Variants in ANXA4 observed in about 807,000 individuals in gnomAD.
ANXA4 encodes the protein 35-beta calcimedin.
A neutral mutation model predicts 49.8 loss-of-function variants in ANXA4; 39 were observed. That is an observed-to-expected ratio of 0.78 (90% confidence interval 0.61 to 1.02). The LOEUF (loss-of-function observed/expected upper bound fraction) is 1.02, where lower values mean the gene tolerates loss of function less well. Ranked by LOEUF, ANXA4 falls within the 50% of genes least tolerant of loss-of-function variation. The pLI is 0.00. For synonymous variants in ANXA4, 134 were observed against 152.5 expected (o/e 0.88, Z 0.89); for missense variants, 360 against 410.1 (o/e 0.88, Z 1.05).
chr2:69,710,528 T>C (rs567709628), intron 2 of ANXA4, among the ~76,000 whole-genome samples: 1 of 152,288 alleles, frequency 6.6e-6, no homozygotes, highest in South Asian at 2.1e-4. Flanking sequence ...TGTCTGTATT[T>C]CAGATTATTT....
intron 2 of ANXA4, among the ~76,000 whole-genome samples, chr2:69,694,265 C>T (rs763959368): frequency 1.9e-4 from 29 of 152,056 alleles, no homozygotes; most frequent in Admixed American, 5.9e-4. Flanking sequence ...AATGTGAGAA[C>T]GCAGCAGGAA....
chr2:69,663,576 C>T (rs1434884174), intron 2 of ANXA4, among the ~76,000 whole-genome samples: 1 of 151,878 alleles, frequency 6.6e-6, no homozygotes, highest in African/African-American at 2.4e-5. Flanking sequence ...AGGAGGATTG[C>T]TTGAGCCCAG....
intron 2 of ANXA4, among the ~76,000 whole-genome samples, chr2:69,678,589 G>GTGTTT (rs1677490425): frequency 6.6e-6 from 1 of 151,498 alleles, no homozygotes; most frequent in South Asian, 2.1e-4. Context: ...TAGAGACTGG[G>GTGTTT]TTTTGCCATG....
intron 2 of ANXA4, among the ~76,000 whole-genome samples, chr2:69,696,529 TGAATC>T: frequency 6.6e-6 from 1 of 152,240 alleles, no homozygotes; most frequent in Non-Finnish European, 1.5e-5. Flanking sequence ...CCTTCTCTCA[TGAATC>T]ATGAGTATTT....
intron 2 of ANXA4, among the ~76,000 whole-genome samples, chr2:69,656,335 G>A (rs1394892247): frequency 6.5e-5 from 6 of 92,066 alleles, no homozygotes; most frequent in African/African-American, 2.7e-4. Context: ...ATATATATGT[G>A]TATATATATG....
chr2:69,660,383 A>G (rs1241670478), intron 2 of ANXA4, among the ~76,000 whole-genome samples: 3 of 152,188 alleles, frequency 2.0e-5, no homozygotes, highest in South Asian at 4.1e-4. Flanking sequence ...CTCATAGACT[A>G]AAACAAATCA....
intron 1 of ANXA4, among the ~76,000 whole-genome samples, chr2:69,775,358 G>A (rs992968770): frequency 1.3e-5 from 2 of 152,128 alleles, no homozygotes; most frequent in African/African-American, 2.4e-5. Context: ...TTTCTTATTA[G>A]TTTGCATTTC....
intron 2 of ANXA4, among the ~76,000 whole-genome samples, chr2:69,706,686 C>T (rs947327225): frequency 2.0e-5 from 3 of 152,112 alleles, no homozygotes; most frequent in Non-Finnish European, 4.4e-5. Flanking sequence ...TGGTATAGAA[C>T]AATTGTGTCT....
chr2:69,658,962 C>G (rs1676611124), intron 2 of ANXA4, among the ~76,000 whole-genome samples: 1 of 152,188 alleles, frequency 6.6e-6, no homozygotes, highest in African/African-American at 2.4e-5. Context: ...TCCCAAAGTG[C>G]TGGGATTACA....
chr2:69,728,971 A>G (rs1416383648), intron 3 of ANXA4, among the ~76,000 whole-genome samples: 1 of 152,206 alleles, frequency 6.6e-6, no homozygotes, highest in African/African-American at 2.4e-5. Flanking sequence ...TACCATATTA[A>G]ATCATAAGTA....
chr2:69,788,134 A>G lies in ANXA4; in HGVS notation c.90A>G (p.Lys30=). The G allele has an allele frequency of 7.4e-6, 12 of 1,613,820 alleles. No individual in the cohort carries two copies. Among genetic ancestry groups the G allele is most frequent in the Non-Finnish European group, 9.3e-6 (11 of 1,179,738 alleles). Residue 30 remains lysine, a synonymous_variant, in exon 3 of 13, where the codon AAA becomes AAG. Transcript: ENST00000394295. ...EDAQTLRKAM[K]GLGTDEDAII... is the part of the protein sequence containing the mutation. ...CCCAGACCCTGAGGAAGGCCATGAA[A>G]GGGCTCGGTATGTGTCCTGCTGGAA... is the stretch of plus-strand genomic sequence containing the variant.
intron 1 of ANXA4, among the ~76,000 whole-genome samples, chr2:69,745,661 G>T (rs1670581310): frequency 6.6e-6 from 1 of 151,798 alleles, no homozygotes; most frequent in Non-Finnish European, 1.5e-5. Context: ...CTCCTGAGTA[G>T]CTGGGTCTAC....
chr2:69,708,720 C>T (rs1030556351), intron 2 of ANXA4, among the ~76,000 whole-genome samples: 1 of 152,096 alleles, frequency 6.6e-6, no homozygotes, highest in Non-Finnish European at 1.5e-5. Context: ...CTCCAACAAT[C>T]GAGGGTGCCT....
chr2:69,745,237 G>C (rs548178935), intron 1 of ANXA4, among the ~76,000 whole-genome samples: 1 of 152,322 alleles, frequency 6.6e-6, no homozygotes, highest in South Asian at 2.1e-4. Flanking sequence ...GCTGGGTGGT[G>C]GGCTCTGGTT....
intron 2 of ANXA4, among the ~76,000 whole-genome samples, chr2:69,663,869 A>C (rs1676835565): frequency 6.6e-6 from 1 of 152,262 alleles, no homozygotes; most frequent in African/African-American, 2.4e-5. Flanking sequence ...AGCCCTGGAC[A>C]TCTGGGAAAC....
intron 1 of ANXA4, among the ~76,000 whole-genome samples, chr2:69,780,293 C>G (rs2103657046): frequency 6.6e-6 from 1 of 152,290 alleles, no homozygotes; most frequent in Admixed American, 6.5e-5. Context: ...CTCCCAGGCT[C>G]AAGTGATTCT....
chr2:69,705,555 A>G (rs1260044502), intron 2 of ANXA4, among the ~76,000 whole-genome samples: 1 of 152,220 alleles, frequency 6.6e-6, no homozygotes, highest in African/African-American at 2.4e-5. Flanking sequence ...TTGGAATTGG[A>G]GTCTCCTTAT....
At chr2:69,725,857 A>C (rs1202449529) in intron 3 of ANXA4, among the ~76,000 whole-genome samples, 3 of 152,186 alleles carry the variant, frequency 2.0e-5, no homozygotes, top group African/African-American at 7.2e-5. Context: ...ACATTTTATT[A>C]GTTTTTCTTT....
intron 1 of ANXA4, among the ~76,000 whole-genome samples, chr2:69,780,488 G>A (rs533117139): frequency 8.5e-5 from 13 of 152,332 alleles, no homozygotes; most frequent in African/African-American, 2.4e-4. Context: ...GAGCCACCAC[G>A]CCCAGCCAGG....
Sources: allele counts gnomAD v4.1 joint callset (sites outside exome capture counted in the v4.1 genomes callset), GRCh38; gene constraint gnomAD v4.1.1; transcripts MANE v1.5; gene names NCBI Gene and HGNC (gene_info 2026-07-23, HGNC 2026-07-21).